Variants in MACROD2 observed in about 807,000 individuals in gnomAD.
MACROD2 encodes ADP-ribose glycohydrolase MACROD2.
MACROD2 carries 36 observed loss-of-function variants against 70.4 expected under a neutral mutation model. That is an observed-to-expected ratio of 0.51 (90% CI 0.39 to 0.68). The LOEUF (loss-of-function observed/expected upper bound fraction) is 0.68. Ranked by LOEUF, MACROD2 falls within the 30% of genes least tolerant of loss-of-function variation. The probability of loss-of-function intolerance (pLI) is 0.00; values close to 1 mark genes in which losing one functional copy is unlikely to be tolerated. For synonymous variants in MACROD2, 172 were observed against 178.8 expected, an observed-to-expected ratio of 0.96 and a Z score of 0.30; for missense variants, 496 against 538.4, an observed-to-expected ratio of 0.92 and a Z score of 0.78.
chr20:14,833,119 A>T (rs2072990401), intron 5 of MACROD2, among the ~76,000 whole-genome samples: 1 of 152,178 alleles, frequency 6.6e-6, no homozygotes, highest in African/African-American at 2.4e-5. Context: ...ATTTTAGTTA[A>T]CGTAAGTGTA....
At chr20:14,873,804 A>T (rs1052311350) in intron 5 of MACROD2, among the ~76,000 whole-genome samples, 2 of 152,164 alleles carry the variant, frequency 1.3e-5, no homozygotes, top group African/African-American at 4.8e-5. Context: ...GGTTGCAGTG[A>T]GCTGAGACTG....
chr20:15,582,380 A>G (rs1395856328), intron 8 of MACROD2, among the ~76,000 whole-genome samples: 1 of 152,320 alleles, frequency 6.6e-6, no homozygotes, highest in South Asian at 2.1e-4. Flanking sequence ...CCTGGGAGGC[A>G]TGTCATGAGT....
rs187694238 is a variant in MACROD2 at position 14,801,433 on chromosome 20, C to G, written c.418+116474C>G. ...TGTGCAGACTTTGTATATTCATACA[C>G]CTGTTAAAGATTTCAGCGTTAATGT... On this transcript the variant is annotated intron_variant, in intron 5 of 17. Transcript: ENST00000684519. Among the ~76,000 whole-genome samples the G allele has an allele frequency of 7.2e-5, 11 of 152,188 alleles. No homozygotes were observed. The East Asian group carries it at 1.9e-3, about 27-fold the overall frequency.
At chr20:14,901,885 T>C (rs2073898773) in intron 5 of MACROD2, among the ~76,000 whole-genome samples, 1 of 152,108 alleles carries the variant, frequency 6.6e-6, no homozygotes, top group Non-Finnish European at 1.5e-5. Flanking sequence ...TTTATTTGAC[T>C]GTGGCCAAAG....
intron 5 of MACROD2, among the ~76,000 whole-genome samples, chr20:15,004,734 A>G (rs2122909912): frequency 6.6e-6 from 1 of 152,286 alleles, no homozygotes; most frequent in East Asian, 1.9e-4. Context: ...AAAAATGGAA[A>G]CTATGTGCTC....
chr20:14,051,260 A>C (rs1439796661), intron 2 of MACROD2, among the ~76,000 whole-genome samples: 1 of 152,216 alleles, frequency 6.6e-6, no homozygotes, highest in Admixed American at 6.5e-5. Flanking sequence ...ATTTTTATTT[A>C]AAAAATGAAA....
Position 15,681,339 on chromosome 20 carries a change from T to TAA in MACROD2, c.646-181404_646-181403dup, listed in dbSNP as rs530895919. On this transcript the variant is annotated intron_variant, in intron 8 of 17. Coordinates refer to ENST00000684519, the MANE Select transcript of MACROD2 (RefSeq NM_001351661.2). ...ACATACAGAAGGGATTGACAAAGTA[T>TAA]AAATTGCTATTCAAAAACAGGGGGG... Among the ~76,000 whole-genome samples, 224 of 152,288 alleles carry TAA rather than the reference T, an allele frequency of 1.5e-3. 1 individual carries two copies. Among genetic ancestry groups the TAA allele is most frequent in the African/African-American group, 5.3e-3 (219 of 41,552 alleles).
intron 3 of MACROD2, among the ~76,000 whole-genome samples, chr20:14,457,961 T>C (rs1294646401): frequency 6.6e-6 from 1 of 151,776 alleles, no homozygotes; most frequent in African/African-American, 2.4e-5. Context: ...ATTTGCTCGG[T>C]GTCATTGCAC....
At chr20:14,027,678 A>G (rs1015750823) in intron 2 of MACROD2, among the ~76,000 whole-genome samples, 2 of 151,964 alleles carry the variant, frequency 1.3e-5, no homozygotes, top group East Asian at 1.9e-4. Flanking sequence ...CCACTGCTGC[A>G]GGTCAGCTGG....
At chr20:14,863,748 A>G (rs994848285) in intron 5 of MACROD2, among the ~76,000 whole-genome samples, 4 of 152,132 alleles carry the variant, frequency 2.6e-5, no homozygotes, top group Non-Finnish European at 5.9e-5. Context: ...ATACTATTAA[A>G]GAGGAACTAT....
chr20:15,780,205 C>A (rs916907918), intron 8 of MACROD2, among the ~76,000 whole-genome samples: 1 of 152,044 alleles, frequency 6.6e-6, no homozygotes, highest in Admixed American at 6.6e-5. Context: ...GTGGGAAAGA[C>A]ACAAGTTAAA....
At chr20:15,237,197 T>C (rs1345191196) in intron 6 of MACROD2, among the ~76,000 whole-genome samples, 1 of 152,194 alleles carries the variant, frequency 6.6e-6, no homozygotes, top group African/African-American at 2.4e-5. Context: ...TCTCTCTCTT[T>C]TTCACTGTAT....
At chr20:14,925,391 G>A (rs1485563455) in intron 5 of MACROD2, among the ~76,000 whole-genome samples, 1 of 152,122 alleles carries the variant, frequency 6.6e-6, no homozygotes, top group Non-Finnish European at 1.5e-5. Flanking sequence ...CTTATCCACT[G>A]CACCCAATCA....
intron 5 of MACROD2, among the ~76,000 whole-genome samples, chr20:15,087,431 A>G (rs185789720): frequency 4.6e-5 from 7 of 152,182 alleles, no homozygotes; most frequent in Admixed American, 4.6e-4. Context: ...AATATAATAT[A>G]TAATGAAAGA....
chr20:15,763,443 A>C (rs1568547093), intron 8 of MACROD2, among the ~76,000 whole-genome samples: 2 of 152,232 alleles, frequency 1.3e-5, no homozygotes, highest in Non-Finnish European at 2.9e-5. Context: ...GTGCAAGTAT[A>C]TATTCACCAC....
intron 3 of MACROD2, among the ~76,000 whole-genome samples, chr20:14,111,787 G>A (rs529131481): frequency 3.3e-5 from 5 of 151,960 alleles, no homozygotes; most frequent in African/African-American, 9.7e-5. Flanking sequence ...CAATCACTGT[G>A]GAGAACAGTT....
chr20:14,300,488 G>C (rs2082465567), intron 3 of MACROD2, among the ~76,000 whole-genome samples: 1 of 152,058 alleles, frequency 6.6e-6, no homozygotes, highest in Non-Finnish European at 1.5e-5. Context: ...TGTCGTTAAT[G>C]GTACATTTAT....
intron 8 of MACROD2, among the ~76,000 whole-genome samples, chr20:15,543,272 G>C (rs2047982301): frequency 1.3e-5 from 2 of 152,168 alleles, no homozygotes; most frequent in East Asian, 3.9e-4. Context: ...CTAAGTGTCA[G>C]TTTCCTCATC....
At chr20:14,954,561 A>C (rs1296442947) in intron 5 of MACROD2, among the ~76,000 whole-genome samples, 1 of 138,708 alleles carries the variant, frequency 7.2e-6, no homozygotes, top group African/African-American at 2.6e-5. Context: ...AATAAATTAT[A>C]AATATATAAA....
Sources: allele counts gnomAD v4.1 joint callset (sites outside exome capture counted in the v4.1 genomes callset), GRCh38; gene constraint gnomAD v4.1.1; transcripts MANE v1.5; gene names NCBI Gene and HGNC (gene_info 2026-07-23, HGNC 2026-07-21).